ANKRD26: variants seen among roughly 807,000 people sequenced by gnomAD.
ANKRD26 encodes the protein ankyrin repeat domain 26.
Under a neutral mutation model 208.7 loss-of-function variants are expected in ANKRD26, and 141 were observed. The ratio of observed to expected loss-of-function variants is 0.68; its 90% confidence interval spans 0.59 to 0.78. ANKRD26 has a LOEUF of 0.78. Ranked by LOEUF, ANKRD26 falls within the 30% of genes least tolerant of loss-of-function variation. ANKRD26 has a pLI of 0.00. For missense variants in ANKRD26, 1,889 were observed against 1,938.7 expected (o/e 0.97, Z 0.48); for synonymous variants, 636 against 660.4 (o/e 0.96, Z 0.57).
intron 11 of ANKRD26, among the ~76,000 whole-genome samples, chr10:27,064,386 A>G (rs926449090): frequency 2.0e-5 from 3 of 152,198 alleles, no homozygotes; most frequent in African/African-American, 7.2e-5. Context: ...CAAGGAACTA[A>G]TATCAAAAGA....
chr10:27,062,770 C>CTTTCTT (rs1482604226), intron 12 of ANKRD26, among the ~76,000 whole-genome samples: 1,478 of 142,422 alleles, frequency 0.01, 26 homozygotes, highest in African/African-American at 0.036. Context: ...TTCTTTCTTT[C>CTTTCTT]TTTTTTTTTT....
intron 20 of ANKRD26, among the ~76,000 whole-genome samples, chr10:27,042,879 T>G (rs1470108493): frequency 1.6e-5 from 2 of 128,416 alleles, no homozygotes; most frequent in Non-Finnish European, 3.2e-5. Context: ...GACACAAGAA[T>G]CGCTTGAACC....
At chr10:27,018,944 A>C (rs2053396026) in intron 29 of ANKRD26, among the ~76,000 whole-genome samples, 1 of 152,192 alleles carries the variant, frequency 6.6e-6, no homozygotes, top group Non-Finnish European at 1.5e-5. Context: ...TTTTATGGCT[A>C]TTTTCAAAAC....
chr10:27,093,410 T>C lies in ANKRD26; in HGVS notation c.470A>G (p.Glu157Gly). 6.2e-7 allele frequency: 1 copy of C among 1,614,202 alleles called. No homozygotes were observed. The highest frequency in any genetic ancestry group is 8.5e-7 in the Non-Finnish European group (1 of 1,180,040). ...CAGCTTTGTTGCTACTGATATGTCC[T>C]CATTATAGACAGCATAGTGAAGAGC... ...NTALHYAVYN[E>G]DISVATKLLL... The change falls in exon 3 of 34, where the codon GAG becomes GGG. Residue 157 changes from glutamate to glycine, a missense_variant. This residue lies in a region of ANKRD26 where 1,272 missense variants were observed against 1,273.8 expected (regional missense o/e 1.00). Transcript: ENST00000376087.
the ANKRD26 span, among the ~76,000 whole-genome samples, chr10:26,952,575 T>C: frequency 7.2e-5 from 11 of 152,234 alleles, no homozygotes; most frequent in South Asian, 6.2e-4. Flanking sequence ...GATTGAACAA[T>C]AGCCAAGCTT....
chr10:27,078,366 T>A (rs565419829), intron 7 of ANKRD26, among the ~76,000 whole-genome samples: 1 of 151,968 alleles, frequency 6.6e-6, no homozygotes, highest in South Asian at 2.1e-4. Flanking sequence ...TGGACTGAAA[T>A]AACAGAACTG....
chr10:26,999,401 A>G (rs148502116), downstream of ANKRD26, among the ~76,000 whole-genome samples: 259 of 152,236 alleles, frequency 1.7e-3, no homozygotes, highest in African/African-American at 5.8e-3. Flanking sequence ...TCTCCTTCAG[A>G]TATTATTAAG....
intron 11 of ANKRD26, 22 bp from the exon 12 acceptor site, chr10:27,064,103 A>G: frequency 6.7e-7 from 1 of 1,487,628 alleles, no homozygotes; most frequent in Non-Finnish European, 9.3e-7. Context: ...AGTATCAATA[A>G]TGAGTTTCAA....
chr10:26,995,892 A>T (rs2134698188), intron 4 of ANKRD26, among the ~76,000 whole-genome samples: 1 of 152,280 alleles, frequency 6.6e-6, no homozygotes, highest in East Asian at 1.9e-4. Context: ...GGGTCCTCTA[A>T]ATCGGCCTTT....
intron 15 of ANKRD26, among the ~76,000 whole-genome samples, chr10:27,057,910 C>T (rs1215579583): frequency 4.8e-5 from 7 of 146,846 alleles, no homozygotes; most frequent in East Asian, 2.0e-4. Context: ...GCACTCCAGC[C>T]GGGTGACAGA....
chr10:27,033,921 T>C (rs1340968801), intron 24 of ANKRD26, among the ~76,000 whole-genome samples: 4 of 152,172 alleles, frequency 2.6e-5, no homozygotes, highest in Non-Finnish European at 4.4e-5. Flanking sequence ...ACTCACTCCA[T>C]TCTTGCTGCC....
At chr10:27,061,058 C>CAGAGAAAGTGTTCTCAG (rs1390647796) in intron 13 of ANKRD26, 86 bp downstream of exon 13, 2 of 1,019,374 alleles carry the variant, frequency 2.0e-6, no homozygotes, top group Non-Finnish European at 3.1e-6. Flanking sequence ...ACTTATTTCT[C>CAGAGAAAGTGTTCTCAG]ATCAGAGAAA....
chr10:27,056,232 C>T (rs184978529), intron 15 of ANKRD26, among the ~76,000 whole-genome samples: 2 of 152,188 alleles, frequency 1.3e-5, no homozygotes, highest in African/African-American at 2.4e-5. Context: ...GGTTGGAGGG[C>T]AATGGTGTGA....
At chr10:27,068,986 G>C (rs1368232913) in intron 9 of ANKRD26, among the ~76,000 whole-genome samples, 4 of 152,020 alleles carry the variant, frequency 2.6e-5, no homozygotes, top group Non-Finnish European at 4.4e-5. Flanking sequence ...ATGATGTCAG[G>C]AGTTCGAGAC....
At chr10:26,991,383 A>G (rs1158788253), downstream of ANKRD26, among the ~76,000 whole-genome samples, 1 of 152,118 alleles carries the variant, frequency 6.6e-6, no homozygotes, top group Non-Finnish European at 1.5e-5. Context: ...TTCTCCAAAG[A>G]TGATTTTGAG....
the ANKRD26 span, among the ~76,000 whole-genome samples, chr10:26,958,626 C>T: frequency 1.3e-5 from 2 of 152,300 alleles, no homozygotes; most frequent in East Asian, 3.9e-4. Flanking sequence ...ATCCATGTCC[C>T]TGCAAAGGAC....
chr10:27,085,799 T>C (rs756890960), intron 5 of ANKRD26, among the ~76,000 whole-genome samples: 1 of 152,204 alleles, frequency 6.6e-6, no homozygotes, highest in Non-Finnish European at 1.5e-5. Context: ...GACCAACCTC[T>C]CATCTTCCTC....
chr10:27,055,829 T>C (rs116151527), intron 15 of ANKRD26, among the ~76,000 whole-genome samples: 363 of 151,274 alleles, frequency 2.4e-3, no homozygotes, highest in African/African-American at 8.1e-3. Context: ...AATATTTGAT[T>C]TGAATGGTGC....
rs745765572 is a variant in ANKRD26, at chr10:27,037,248, G to A, written c.2635C>T (p.Leu879=). 6.2e-7 allele frequency: 1 copy of A among 1,613,760 alleles called. No homozygotes were observed. The highest frequency in any genetic ancestry group is 1.3e-5 in the African/African-American group (1 of 74,918). Residue 879 remains leucine (L), a synonymous_variant, in exon 23 of 34, where the codon CTG becomes TTG. Transcript: ENST00000376087. ...QNARMLQDGI[L]TNHLSKQKEI... ...TTTTGTTTGGAAAGGTGATTGGTCAGAATTCCATCTTGTAACATTCTGGCA... is the reference window on the plus strand; with the variant it reads ...TTTTGTTTGGAAAGGTGATTGGTCAAAATTCCATCTTGTAACATTCTGGCA...
Sources: gnomAD v4.1 joint callset for allele counts (sites outside exome capture counted in the v4.1 genomes callset) on GRCh38, gnomAD v4.1.1 for gene constraint, gnomAD v4.1.1 regional missense constraint, MANE v1.5 for transcripts, NCBI Gene and HGNC (gene_info 2026-07-23, HGNC 2026-07-21) for gene names.